MARCHF4: variants seen among roughly 807,000 people sequenced by gnomAD.
MARCHF4 encodes membrane associated ring-CH-type finger 4.
In MARCHF4, 14 loss-of-function variants were observed where a neutral mutation model predicts 43.9. That is an observed-to-expected ratio of 0.32 (90% CI 0.21 to 0.50). The LOEUF (loss-of-function observed/expected upper bound fraction) is 0.50, where lower values mean the gene tolerates loss of function less well. Ranked by LOEUF, MARCHF4 falls within the 20% of genes least tolerant of loss-of-function variation. MARCHF4 has a pLI of 0.98. For missense variants in MARCHF4, 468 were observed against 536.7 expected (o/e 0.87, Z 1.27); for synonymous variants, 226 against 213.3 (o/e 1.06, Z -0.52).
At chr2:216,321,378 A>T (rs1263470549) in intron 1 of MARCHF4, among the ~76,000 whole-genome samples, 1 of 152,216 alleles carries the variant, frequency 6.6e-6, no homozygotes, top group Admixed American at 6.5e-5. Flanking sequence ...TATCTAAAAT[A>T]ACATGAAATT....
At chr2:216,262,070 C>T (rs1690750400) in intron 3 of MARCHF4, among the ~76,000 whole-genome samples, 1 of 152,072 alleles carries the variant, frequency 6.6e-6, no homozygotes, top group East Asian at 1.9e-4. Flanking sequence ...TAGTTCTCAT[C>T]CAAGTACACA....
chr2:216,332,059 T>C (rs763992154), intron 1 of MARCHF4, among the ~76,000 whole-genome samples: 8 of 152,162 alleles, frequency 5.3e-5, no homozygotes, highest in Non-Finnish European at 8.8e-5. Flanking sequence ...CAGTACATTA[T>C]ATACATAGAA....
At chr2:216,286,270 T>G (rs1691216791) in intron 1 of MARCHF4, among the ~76,000 whole-genome samples, 2 of 152,222 alleles carry the variant, frequency 1.3e-5, no homozygotes, top group African/African-American at 4.8e-5. Flanking sequence ...CCAGGTGCAG[T>G]GGCTCACGCC....
At chr2:216,259,868 C>A in intron 3 of MARCHF4, 189 bp from the exon 4 acceptor site, 1 of 603,026 alleles carries the variant, frequency 1.7e-6, no homozygotes, top group Middle Eastern at 4.5e-4. Flanking sequence ...GCCACCAGAC[C>A]GAGTCCATGA....
At chr2:216,344,788 A>C (rs1166286564) in intron 1 of MARCHF4, among the ~76,000 whole-genome samples, 1 of 151,932 alleles carries the variant, frequency 6.6e-6, no homozygotes, top group Non-Finnish European at 1.5e-5. Context: ...GGTGTCCCAC[A>C]GTGAGCTGTG....
At chr2:216,353,926 T>A (rs1030194871) in intron 1 of MARCHF4, among the ~76,000 whole-genome samples, 2 of 152,224 alleles carry the variant, frequency 1.3e-5, no homozygotes, top group Non-Finnish European at 2.9e-5. Flanking sequence ...CTAGTGGCTG[T>A]GCATGTGTTG....
chr2:216,308,908 A>G (rs150942759), intron 1 of MARCHF4, among the ~76,000 whole-genome samples: 1 of 152,298 alleles, frequency 6.6e-6, no homozygotes, highest in Non-Finnish European at 1.5e-5. Flanking sequence ...TTTTCGAAGA[A>G]GGGTGTGGAT....
intron 3 of MARCHF4, among the ~76,000 whole-genome samples, chr2:216,277,015 T>A (rs1691036209): frequency 6.6e-6 from 1 of 152,070 alleles, no homozygotes; most frequent in Admixed American, 6.5e-5. Context: ...CGAAACCTTA[T>A]CTGGAACAGA....
At chr2:216,292,778 C>G (rs764809936) in intron 1 of MARCHF4, among the ~76,000 whole-genome samples, 4 of 152,028 alleles carry the variant, frequency 2.6e-5, no homozygotes, top group Admixed American at 6.5e-5. Context: ...ATGGGGCCAG[C>G]GAATAGAAAT....
chr2:216,279,474 G>A (rs1691089232), intron 2 of MARCHF4, among the ~76,000 whole-genome samples: 1 of 152,208 alleles, frequency 6.6e-6, no homozygotes, highest in African/African-American at 2.4e-5. Context: ...TGGGAAGGTA[G>A]GGGGAGGACA....
chr2:216,349,727 T>C (rs1692370385), intron 1 of MARCHF4, among the ~76,000 whole-genome samples: 2 of 152,080 alleles, frequency 1.3e-5, no homozygotes, highest in African/African-American at 2.4e-5. Flanking sequence ...ATGCAGGCAG[T>C]GGGGATTAGC....
At chr2:216,355,161 G>A (rs1400737116) in intron 1 of MARCHF4, among the ~76,000 whole-genome samples, 6 of 151,880 alleles carry the variant, frequency 4.0e-5, no homozygotes, top group Non-Finnish European at 8.8e-5. Flanking sequence ...TAGTAGAGAC[G>A]GGGTTTCACT....
At chr2:216,361,578 G>A (rs1692580881) in intron 1 of MARCHF4, among the ~76,000 whole-genome samples, 1 of 152,142 alleles carries the variant, frequency 6.6e-6, no homozygotes. Flanking sequence ...ATCTGTCAGG[G>A]ACCTGGTGAT....
chr2:216,280,410 C>G (rs551601889), intron 2 of MARCHF4, among the ~76,000 whole-genome samples: 1 of 152,276 alleles, frequency 6.6e-6, no homozygotes, highest in East Asian at 1.9e-4. Flanking sequence ...ATGACCCGAT[C>G]CTGATTGGGT....
In MARCHF4 at chr2:216,277,882, G is replaced by C. The variant is rs368162425; in HGVS notation, c.673-18C>G. 1.8e-4 allele frequency: 285 copies of C among 1,593,972 alleles called. 1 individual carries two copies. The African/African-American group carries it at 3.5e-3, about 20-fold the overall frequency. On this transcript the variant is annotated intron_variant, in intron 2 of 3. Transcript: ENST00000273067. ...GCCTGCCACTGCAGGGGAGAGAGTG[G>C]CCAGTTAGCAGTTGCTTGGATGCCC...
intron 1 of MARCHF4, among the ~76,000 whole-genome samples, chr2:216,349,461 G>A (rs907798932): frequency 1.3e-5 from 2 of 152,226 alleles, no homozygotes; most frequent in Non-Finnish European, 1.5e-5. Context: ...TGAGCTCATC[G>A]TTCACCTGGG....
intron 3 of MARCHF4, among the ~76,000 whole-genome samples, chr2:216,262,512 T>C (rs1389872519): frequency 2.0e-5 from 3 of 151,470 alleles, no homozygotes; most frequent in South Asian, 4.2e-4. Flanking sequence ...AGTGAGAGAG[T>C]CAAGGCCAAG....
intron 1 of MARCHF4, among the ~76,000 whole-genome samples, chr2:216,300,337 G>GTATATAC (rs1691472676): frequency 8.1e-6 from 1 of 124,180 alleles, no homozygotes; most frequent in African/African-American, 4.1e-5. Flanking sequence ...TGTCCATCTC[G>GTATATAC]ATATATATAT....
chr2:216,261,702 G>A (rs1690746039), intron 3 of MARCHF4, among the ~76,000 whole-genome samples: 1 of 152,174 alleles, frequency 6.6e-6, no homozygotes, highest in Admixed American at 6.5e-5. Flanking sequence ...GGAGAGGTCT[G>A]GCCTGGAGAT....
Sources: gnomAD v4.1 joint callset for allele counts (sites outside exome capture counted in the v4.1 genomes callset) on GRCh38, gnomAD v4.1.1 for gene constraint, MANE v1.5 for transcripts, NCBI Gene and HGNC (gene_info 2026-07-23, HGNC 2026-07-21) for gene names.